MAST4: variants seen among roughly 807,000 people sequenced by gnomAD.
The protein encoded by MAST4 is microtubule associated serine/threonine kinase family member 4.
A neutral mutation model predicts 162.7 loss-of-function variants in MAST4; 89 were observed. That is an observed-to-expected ratio of 0.55 (90% CI 0.46 to 0.65). The LOEUF is 0.65. Among genes scored for constraint, MAST4 ranks in the 30% least tolerant of loss-of-function variants. The pLI, the probability that MAST4 is intolerant of heterozygous loss-of-function variation, is 0.00. For synonymous variants in MAST4, 1,479 were observed against 1,361.1 expected (o/e 1.09, Z -1.91); for missense variants, 3,153 against 3,374.0 (o/e 0.93, Z 1.62).
chr5:67,072,900 T>C (rs1412981191), intron 5 of MAST4, among the ~76,000 whole-genome samples: 4 of 152,300 alleles, frequency 2.6e-5, no homozygotes, highest in African/African-American at 9.6e-5. Flanking sequence ...ATTTGAAAAG[T>C]AAACTGTTAT....
At chr5:67,048,333 CATA>C (rs1053461385) in intron 4 of MAST4, among the ~76,000 whole-genome samples, 1 of 152,088 alleles carries the variant, frequency 6.6e-6, no homozygotes, top group African/African-American at 2.4e-5. Flanking sequence ...ACCTCAAAAA[CATA>C]ATGTTGAGTG....
intron 3 of MAST4, among the ~76,000 whole-genome samples, chr5:66,808,742 A>T (rs573959369): frequency 6.6e-6 from 1 of 152,292 alleles, no homozygotes; most frequent in Admixed American, 6.5e-5. Flanking sequence ...CATTTATCTC[A>T]GAATATTTAA....
chr5:66,903,438 T>TTGTGTGTGTG (rs3042310), intron 4 of MAST4, among the ~76,000 whole-genome samples: 98 of 148,714 alleles, frequency 6.6e-4, no homozygotes, highest in East Asian at 9.9e-4. Context: ...ACACCTGTGT[T>TTGTGTGTGTG]TGTGTGTGTG....
chr5:67,022,847 C>T (rs1452618894), intron 4 of MAST4, among the ~76,000 whole-genome samples: 4 of 151,584 alleles, frequency 2.6e-5, no homozygotes, highest in African/African-American at 9.7e-5. Flanking sequence ...AAGATTGAGC[C>T]TCCATGCTGT....
chr5:66,927,592 G>A (rs1269786292), intron 4 of MAST4, among the ~76,000 whole-genome samples: 1 of 152,208 alleles, frequency 6.6e-6, no homozygotes. Flanking sequence ...GATGGTGGCT[G>A]AAGGGGCTTG....
rs562999065 is a variant in MAST4 at position 67,140,818 on chromosome 5, C to T, written c.2495-1297C>T. On this transcript the variant is annotated intron_variant, in intron 19 of 28. Coordinates refer to ENST00000403625, the MANE Select transcript of MAST4 (RefSeq NM_001164664.2). The stretch of plus-strand genomic sequence containing the variant: ...CCTCAGTCATAGCTGCTCATGCTTA[C>T]AGTCAGACTTCAGTATTTTGCTAGA... 8.1e-4 allele frequency among the ~76,000 whole-genome samples: 124 copies of T among 152,350 alleles called. 1 individual carries two copies. The highest frequency in any genetic ancestry group is 1.9e-3 in the South Asian group (9 of 4,828).
intron 4 of MAST4, among the ~76,000 whole-genome samples, chr5:66,990,593 C>T (rs1014718854): frequency 1.3e-5 from 2 of 152,186 alleles, no homozygotes; most frequent in Non-Finnish European, 2.9e-5. Context: ...GAGCTACGAT[C>T]ATGCCACTGC....
intron 19 of MAST4, 69 bp downstream of exon 19, chr5:67,136,733 T>C: frequency 7.8e-7 from 1 of 1,282,880 alleles, no homozygotes; most frequent in South Asian, 1.3e-5. Flanking sequence ...ACTCTGAAGC[T>C]TTTGTTGTTG....
intron 1 of MAST4, among the ~76,000 whole-genome samples, chr5:66,712,850 C>T (rs972357357): frequency 1.3e-5 from 2 of 152,290 alleles, no homozygotes; most frequent in Middle Eastern, 3.4e-3. Context: ...GAATTTGCTC[C>T]TATTTGGTTT....
intron 2 of MAST4, among the ~76,000 whole-genome samples, chr5:66,787,550 C>T (rs148241449): frequency 1.6e-3 from 247 of 152,328 alleles, no homozygotes; most frequent in African/African-American, 5.5e-3. Flanking sequence ...CTAGTTAATA[C>T]ACTGCAATCG....
intron 4 of MAST4, among the ~76,000 whole-genome samples, chr5:66,935,660 T>G (rs1742660671): frequency 6.8e-6 from 1 of 147,556 alleles, no homozygotes; most frequent in African/African-American, 2.6e-5. Context: ...ACTTTTTTCT[T>G]TCTTTCTTTC....
Position 66,994,151 on chromosome 5 carries a change from G to A in MAST4, c.675-60253G>A, listed in dbSNP as rs575571055. On this transcript the variant is annotated intron_variant, in intron 4 of 28. Coordinates refer to ENST00000403625, the MANE Select transcript of MAST4 (RefSeq NM_001164664.2). ...AGCACCAAGAGGAAGGAACGGTACC[G>A]CATTAATCTACACAAGAGATCGTGG... Among the ~76,000 whole-genome samples, 8 of 151,414 alleles carry A rather than the reference G, an allele frequency of 5.3e-5. No homozygotes were observed. The South Asian group carries it at 6.3e-4, about 12-fold the overall frequency.
At chr5:66,643,892 T>TTC (rs200449270) in intron 1 of MAST4, among the ~76,000 whole-genome samples, 1 of 150,926 alleles carries the variant, frequency 6.6e-6, no homozygotes, top group Non-Finnish European at 1.5e-5. Flanking sequence ...TTTTTTTTTT[T>TTC]CTTTAAATTA....
intron 4 of MAST4, among the ~76,000 whole-genome samples, chr5:67,050,258 T>C (rs866615966): frequency 1.1e-4 from 17 of 152,320 alleles, no homozygotes; most frequent in African/African-American, 3.8e-4. Context: ...AATAGTGAAC[T>C]CAGGGAGCAG....
chr5:66,780,790 C>G (rs1008365978), intron 2 of MAST4, among the ~76,000 whole-genome samples: 1 of 152,174 alleles, frequency 6.6e-6, no homozygotes, highest in Non-Finnish European at 1.5e-5. Context: ...AGTCCTTTAG[C>G]TAGACCCAGA....
intron 1 of MAST4, among the ~76,000 whole-genome samples, chr5:66,730,416 A>G (rs114163186): frequency 0.012 from 1,871 of 152,164 alleles, 37 homozygotes; most frequent in African/African-American, 0.043. Context: ...GGATTTACTC[A>G]TTTAAACCAA....
At chr5:67,101,260 G>A (rs1561653000) in intron 8 of MAST4, among the ~76,000 whole-genome samples, 1 of 152,202 alleles carries the variant, frequency 6.6e-6, no homozygotes, top group Non-Finnish European at 1.5e-5. Flanking sequence ...AGCAGCCTTA[G>A]CCGACTCCAT....
At chr5:67,158,812 A>G (rs2151104032) in intron 26 of MAST4, among the ~76,000 whole-genome samples, 1 of 152,346 alleles carries the variant, frequency 6.6e-6, no homozygotes, top group African/African-American at 2.4e-5. Flanking sequence ...ACGCAGGCAG[A>G]TCGCCTGAGG....
intron 4 of MAST4, among the ~76,000 whole-genome samples, chr5:67,047,574 T>G (rs1320530100): frequency 6.6e-6 from 1 of 152,258 alleles, no homozygotes; most frequent in Non-Finnish European, 1.5e-5. Context: ...CTATCTCATG[T>G]ACCACAAATT....
Sources: gnomAD v4.1 joint callset for allele counts (sites outside exome capture counted in the v4.1 genomes callset) on GRCh38, gnomAD v4.1.1 for gene constraint, MANE v1.5 for transcripts, NCBI Gene and HGNC (gene_info 2026-07-23, HGNC 2026-07-21) for gene names.